Variants in ZUP1 observed in about 807,000 individuals in gnomAD.
ZUP1 encodes zinc finger containing ubiquitin peptidase 1.
Under a neutral mutation model 68.1 loss-of-function variants are expected in ZUP1, and 55 were observed. That is an observed-to-expected ratio of 0.81 (90% CI 0.65 to 1.01). ZUP1 has a LOEUF of 1.01. Among genes scored for constraint, ZUP1 ranks in the 50% least tolerant of loss-of-function variants. The probability of loss-of-function intolerance (pLI) is 0.00; values close to 1 mark genes in which losing one functional copy is unlikely to be tolerated. For synonymous variants in ZUP1, 223 were observed against 221.5 expected (o/e 1.01, Z -0.06); for missense variants, 684 against 674.9 (o/e 1.01, Z -0.15).
intron 3 of ZUP1, chr6:116,660,308 C>T (rs1177326832): frequency 6.5e-6 from 1 of 153,606 alleles, no homozygotes; most frequent in Non-Finnish European, 1.4e-5. Flanking sequence ...CAGTGGGCTT[C>T]TAACATTCAT....
intron 8 of ZUP1, chr6:116,646,161 A>G: frequency 2.7e-6 from 1 of 371,324 alleles, no homozygotes; most frequent in Non-Finnish European, 4.8e-6. Flanking sequence ...AAACATTTTT[A>G]TTCTGCCAAA....
At chr6:116,648,219 C>A (rs892788969) in intron 7 of ZUP1, among the ~76,000 whole-genome samples, 1 of 152,190 alleles carries the variant, frequency 6.6e-6, no homozygotes, top group Non-Finnish European at 1.5e-5. Context: ...AAGAGGAAGT[C>A]ACCCTTGAAT....
rs1305628525 is a variant in ZUP1 at position 116,640,690 on chromosome 6, A to G, written c.1690-4811T>C. On this transcript the variant is annotated intron_variant, in intron 9 of 9. Transcript: ENST00000368576. ...CCCTAAAAGAGATCCTGAAGGAAGC[A>G]CTAAACATGGAAAGGCACAACCGGT... Among the ~76,000 whole-genome samples, 20 of 152,182 alleles carry G rather than the reference A, an allele frequency of 1.3e-4. 1 individual carries two copies. Among genetic ancestry groups the G allele is most frequent in the Admixed American group, 7.2e-4 (11 of 15,280 alleles).
Position 116,660,385 on chromosome 6 carries a change from G to A in ZUP1, c.670+351C>T, listed in dbSNP as rs74908814. The A allele has an allele frequency of 6.9e-3, 1,127 of 162,510 alleles. 17 individuals are homozygous for A. The highest frequency in any genetic ancestry group is 0.024 in the African/African-American group (987 of 41,902). 10.1% of individuals were successfully genotyped at this position (162,510 alleles called of 1,614,324 possible). On this transcript the variant is annotated intron_variant, in intron 3 of 9. Transcript: ENST00000368576. ...AACAATGCCACTATTAAAAAACATA[G>A]GGGAGAAAGGAAAACTTTTATAGAA...
At chr6:116,645,472 T>C (rs1028242476) in intron 9 of ZUP1, among the ~76,000 whole-genome samples, 2 of 151,394 alleles carry the variant, frequency 1.3e-5, no homozygotes, top group African/African-American at 2.4e-5. Flanking sequence ...TCCCAGCTAC[T>C]TGGGAGGCTG....
rs748402301 is a variant in ZUP1, at chr6:116,656,685, G to A, written c.960C>T (p.Ser320=). 4.4e-6 allele frequency: 7 copies of A among 1,607,680 alleles called. No individual in the cohort carries two copies. The highest frequency in any genetic ancestry group is 4.0e-5 in the African/African-American group (3 of 74,520). Residue 320 remains serine, a splice_region_variant and synonymous_variant, in exon 5 of 10, where the codon TCC becomes TCT. Transcript: ENST00000368576. ...LGFDDGKTKT[S]GIIEALHRYY... ...TGACTCTGATGTTTAAATACTCACC[G>A]GAAGTTTTTGTTTTTCCATCGTCAA...
At chr6:116,647,947 A>G (rs1776365111) in intron 7 of ZUP1, among the ~76,000 whole-genome samples, 1 of 150,918 alleles carries the variant, frequency 6.6e-6, no homozygotes, top group Admixed American at 6.6e-5. Context: ...TAATGACCAT[A>G]CTTGATTTTT....
chr6:116,651,495 T>G, intron 7 of ZUP1, 77 bp downstream of exon 7: 1 of 1,306,970 alleles, frequency 7.7e-7, no homozygotes, highest in Non-Finnish European at 1.0e-6. Context: ...AACTATCTCT[T>G]TGCTAAAAAA....
intron 9 of ZUP1, among the ~76,000 whole-genome samples, chr6:116,638,352 A>C (rs1307274237): frequency 6.6e-6 from 1 of 152,160 alleles, no homozygotes; most frequent in Non-Finnish European, 1.5e-5. Context: ...TTCAATTCCT[A>C]GGAATTTTTC....
In ZUP1 at chr6:116,647,566, G is replaced by A; in HGVS notation, c.1361C>T (p.Thr454Ile). 6.3e-7 allele frequency: 1 copy of A among 1,593,254 alleles called. No homozygotes were observed. Among genetic ancestry groups the A allele is most frequent in the Non-Finnish European group, 8.6e-7 (1 of 1,165,878 alleles). Residue 454 changes from threonine to isoleucine, a missense_variant, in exon 8 of 10, where the codon ACA (threonine) becomes ATA (isoleucine). Transcript: ENST00000368576. ...TATCCATTCAAATAAGCGAGGGTGT[G>A]TACCCAAAGGACCAGTTGATTTGTG... ...DFHKSTGPLG[T>I]HPRLFEWILN...
At chr6:116,643,298 A>G (rs568820535) in intron 9 of ZUP1, among the ~76,000 whole-genome samples, 12,079 of 151,442 alleles carry the variant, frequency 0.08, 694 homozygotes, top group Admixed American at 0.16. Context: ...ATCCCCATCA[A>G]GCTACCAATG....
rs1483600128 is a variant in ZUP1, at chr6:116,647,717, C to T, written c.1317-107G>A. 4 of 824,722 alleles carry T rather than the reference C, an allele frequency of 4.9e-6. No individual in the cohort carries two copies. In the African/African-American group the frequency reaches 5.3e-5, roughly 11 times the overall value. 51.1% of individuals were successfully genotyped at this position (824,722 alleles called of 1,614,324 possible). On this transcript the variant is annotated intron_variant, in intron 7 of 9. Coordinates refer to ENST00000368576, the MANE Select transcript of ZUP1 (RefSeq NM_145062.3). Reference sequence around the variant, plus strand: ...TTAGTTTAGAACTAACTGTTTCTAGCCATTACTTTCCTATAAAAGAAGAAA... The same window carrying T: ...TTAGTTTAGAACTAACTGTTTCTAGTCATTACTTTCCTATAAAAGAAGAAA...
In ZUP1 at chr6:116,645,803, T is replaced by G. The variant is rs770130204; in HGVS notation, c.1600A>C (p.Lys534Gln). The change falls in exon 9 of 10, where the codon AAG (lysine) becomes CAG (glutamine). Residue 534 changes from lysine (K) to glutamine (Q), a missense_variant. Lys to Gln is a moderately conservative substitution (Grantham distance 53, BLOSUM62 1). Coordinates refer to ENST00000368576, the MANE Select transcript of ZUP1 (RefSeq NM_145062.3). ...TTTCCCATAGATTTCCGAAGTTGCT[T>G]GAGACTGCTAGCCTCTATGTCTTGC... ...LKQDIEASSLKQLRKSMGNLK... is the reference protein window; with the variant it reads ...LKQDIEASSLQQLRKSMGNLK... 26 of 1,613,874 alleles carry G rather than the reference T, an allele frequency of 1.6e-5. No homozygotes were observed. The South Asian group carries it at 2.7e-4, about 17-fold the overall frequency.
chr6:116,661,412 G>T (rs2114284093), intron 2 of ZUP1, among the ~76,000 whole-genome samples: 1 of 152,170 alleles, frequency 6.6e-6, no homozygotes, highest in Non-Finnish European at 1.5e-5. Flanking sequence ...GAAGCAGAAA[G>T]GAAAACCAAA....
chr6:116,645,595 AAAAAAAG>A, intron 9 of ZUP1, 112 bp downstream of exon 9: 1 of 797,714 alleles, frequency 1.3e-6, no homozygotes, highest in Non-Finnish European at 1.9e-6. Flanking sequence ...AAAAAAAAAA[AAAAAAAG>A]AAAAAGAATA....
chr6:116,656,722 A>C lies in ZUP1; in HGVS notation c.923T>G (p.Leu308Ter). 1 of 1,612,034 alleles carries C rather than the reference A, an allele frequency of 6.2e-7. No individual in the cohort carries two copies. The highest frequency in any genetic ancestry group is 8.5e-7 in the Non-Finnish European group (1 of 1,179,418). The stretch of plus-strand genomic sequence containing the variant: ...TTTTCCATCGTCAAAACCAAGAGCT[A>C]ATGATTCCATCATATCAGCTTTTCT... ...HRRKADMMES[L>*]ALGFDDGKTK... Residue 308 changes from leucine to a stop codon, truncating the protein, a stop_gained, in exon 5 of 10, where the codon TTA (leucine) becomes TGA (stop). Coordinates refer to ENST00000368576, the MANE Select transcript of ZUP1 (RefSeq NM_145062.3). LOFTEE classifies it high-confidence loss of function.
intron 2 of ZUP1, among the ~76,000 whole-genome samples, chr6:116,661,812 C>T (rs1433287254): frequency 1.3e-5 from 2 of 152,200 alleles, no homozygotes; most frequent in Non-Finnish European, 2.9e-5. Flanking sequence ...TCATATAAAA[C>T]TCCCATAACA....
intron 5 of ZUP1, among the ~76,000 whole-genome samples, chr6:116,653,307 G>A (rs1400134600): frequency 6.6e-6 from 1 of 151,990 alleles, no homozygotes; most frequent in Non-Finnish European, 1.5e-5. Context: ...AATTCTTTGT[G>A]TATATTTACA....
chr6:116,655,105 A>G (rs1221537628), intron 5 of ZUP1, among the ~76,000 whole-genome samples: 1 of 152,060 alleles, frequency 6.6e-6, no homozygotes, highest in Non-Finnish European at 1.5e-5. Context: ...GTTAGCTATA[A>G]TTAGCTACAT....
Sources: gnomAD v4.1 joint callset for allele counts (sites outside exome capture counted in the v4.1 genomes callset) on GRCh38, gnomAD v4.1.1 for gene constraint, MANE v1.5 for transcripts, NCBI Gene and HGNC (gene_info 2026-07-23, HGNC 2026-07-21) for gene names.